The following GALNT18 variants were observed in gnomAD, a reference collection of about 807,000 sequenced individuals.
GALNT18 encodes the protein GalNAc-transferase 18.
Under a neutral mutation model 69.5 loss-of-function variants are expected in GALNT18, and 44 were observed. That is an observed-to-expected ratio of 0.63 (90% CI 0.50 to 0.81). GALNT18 has a LOEUF of 0.81. GALNT18 is among the 40% of genes least tolerant of loss of function. GALNT18 has a pLI of 0.00. For synonymous variants in GALNT18, 364 were observed against 318.2 expected, an observed-to-expected ratio of 1.14 and a Z score of -1.53; for missense variants, 715 against 810.0, an observed-to-expected ratio of 0.88 and a Z score of 1.42.
At chr11:11,329,454 C>T (rs1849981918) in intron 8 of GALNT18, among the ~76,000 whole-genome samples, 1 of 152,180 alleles carries the variant, frequency 6.6e-6, no homozygotes, top group South Asian at 2.1e-4. Flanking sequence ...TAGTGCTATT[C>T]AGCCTGTGTG....
chr11:11,562,025 G>A lies in GALNT18; in HGVS notation c.235+59334C>T, dbSNP rs370177345. ...GCAGGGCTCTAGCCAGGCCTTCCGA[G>A]CACTCCATAAACCACACTCCTAACC... On this transcript the variant is annotated intron_variant, in intron 1 of 10. Transcript: ENST00000227756. The surrounding 1 kb of genome is among the most constrained non-coding windows in gnomAD (Gnocchi z 4.1). 1.3e-5 allele frequency among the ~76,000 whole-genome samples: 2 copies of A among 152,348 alleles called. No individual in the cohort carries two copies. Among genetic ancestry groups the A allele is most frequent in the East Asian group, 3.9e-4 (2 of 5,184 alleles).
In GALNT18 at chr11:11,501,657, G is replaced by T. The variant is rs913625298; in HGVS notation, c.236-52721C>A. 3.3e-5 allele frequency among the ~76,000 whole-genome samples: 5 copies of T among 152,256 alleles called. No homozygotes were observed. In the South Asian group the frequency reaches 1.0e-3, roughly 32 times the overall value. On this transcript the variant is annotated intron_variant, in intron 1 of 10. Coordinates refer to ENST00000227756, the MANE Select transcript of GALNT18 (RefSeq NM_198516.3). The stretch of plus-strand genomic sequence containing the variant: ...GTTTCTACCTTGCCTGAGTTTGTGA[G>T]AAAATGCAAGGGAAAGTGCCTTGAC...
At chr11:11,429,289 C>A (rs1030059837) in intron 3 of GALNT18, among the ~76,000 whole-genome samples, 110 of 152,182 alleles carry the variant, frequency 7.2e-4, no homozygotes, top group African/African-American at 2.5e-3. Flanking sequence ...CCGAGCATTC[C>A]TCCTCTCTCA....
intron 1 of GALNT18, among the ~76,000 whole-genome samples, chr11:11,484,592 T>C (rs1432704666): frequency 1.2e-4 from 4 of 32,172 alleles, no homozygotes; most frequent in Non-Finnish European, 2.6e-4. Context: ...AAACTCCATC[T>C]CAAAAAAAAA....
intron 9 of GALNT18, among the ~76,000 whole-genome samples, chr11:11,296,186 A>C (rs1251917798): frequency 6.6e-6 from 1 of 152,202 alleles, no homozygotes; most frequent in South Asian, 2.1e-4. Flanking sequence ...GCCATGCCGC[A>C]TTAGGGAAAC....
intron 1 of GALNT18, among the ~76,000 whole-genome samples, chr11:11,568,787 G>A (rs1444633198): frequency 6.6e-6 from 1 of 152,162 alleles, no homozygotes; most frequent in African/African-American, 2.4e-5. Flanking sequence ...TGTCTAAACT[G>A]ATCAGTGGTT....
chr11:11,593,005 T>C (rs1179261372), intron 1 of GALNT18, among the ~76,000 whole-genome samples: 2 of 152,156 alleles, frequency 1.3e-5, no homozygotes, highest in Admixed American at 6.5e-5. Context: ...AAGCTGCGCC[T>C]CTCGGGTTCA....
In GALNT18 at chr11:11,614,336, G is replaced by T. The variant is rs1859991516; in HGVS notation, c.235+7023C>A. On this transcript the variant is annotated intron_variant, in intron 1 of 10. Coordinates refer to ENST00000227756, the MANE Select transcript of GALNT18 (RefSeq NM_198516.3). This position sits in a 1 kb window ranked among gnomAD's most constrained non-coding sequence, Gnocchi z 5.6. The stretch of plus-strand genomic sequence containing the variant: ...AGTGAGAGAGGGGTGAGAGAGAGAG[G>T]CAAGAGAGTGAGGAGAAGAAGAAGA... 1.3e-5 allele frequency among the ~76,000 whole-genome samples: 2 copies of T among 149,350 alleles called. No homozygotes were observed. Among genetic ancestry groups the T allele is most frequent in the South Asian group, 4.3e-4 (2 of 4,616 alleles).
chr11:11,336,813 C>T (rs1244098746), intron 7 of GALNT18, among the ~76,000 whole-genome samples: 2 of 152,220 alleles, frequency 1.3e-5, no homozygotes, highest in Non-Finnish European at 2.9e-5. Flanking sequence ...ATATGTCACA[C>T]TCTCGGCCTG....
intron 10 of GALNT18, among the ~76,000 whole-genome samples, chr11:11,280,275 A>AG (rs757970849): frequency 4.6e-5 from 7 of 152,144 alleles, no homozygotes; most frequent in African/African-American, 1.4e-4. Flanking sequence ...GGCCTCTGAA[A>AG]GGGGCCCTTG....
intron 3 of GALNT18, among the ~76,000 whole-genome samples, chr11:11,385,974 G>C (rs774909115): frequency 1.8e-4 from 28 of 152,130 alleles, no homozygotes; most frequent in Non-Finnish European, 3.2e-4. Flanking sequence ...GCAGAGACTG[G>C]AGTGATGTAT....
chr11:11,506,044 C>T (rs1167870843), intron 1 of GALNT18, among the ~76,000 whole-genome samples: 2 of 152,102 alleles, frequency 1.3e-5, no homozygotes, highest in Non-Finnish European at 2.9e-5. Flanking sequence ...CTTGTAATGC[C>T]CAGAACCATC....
rs77952438 is a variant in GALNT18 at position 11,323,807 on chromosome 11, T to G, written c.1512+3279A>C. The stretch of plus-strand genomic sequence containing the variant: ...TCTACAGGTGTAATTTCATCTGTAT[T>G]CCTGGCTTCTGTTGAAATGACTGGC... On this transcript the variant is annotated intron_variant, in intron 9 of 10. Coordinates refer to ENST00000227756, the MANE Select transcript of GALNT18 (RefSeq NM_198516.3). Among the ~76,000 whole-genome samples the G allele has an allele frequency of 5.3e-3, 807 of 152,326 alleles. 7 individuals carry two copies. The highest frequency in any genetic ancestry group is 0.018 in the African/African-American group (741 of 41,562).
chr11:11,352,047 A>C (rs907064424), intron 6 of GALNT18: 2 of 1,613,652 alleles, frequency 1.2e-6, no homozygotes, highest in African/African-American at 2.7e-5. Flanking sequence ...AGGAGTTGGC[A>C]CTGAAGAAAT....
intron 9 of GALNT18, among the ~76,000 whole-genome samples, chr11:11,308,347 C>T (rs886342086): frequency 1.3e-5 from 2 of 152,140 alleles, no homozygotes; most frequent in African/African-American, 4.8e-5. Flanking sequence ...AAATATGTCC[C>T]TACATGAGAT....
chr11:11,342,713 C>G (rs1280249033), intron 6 of GALNT18, among the ~76,000 whole-genome samples: 1 of 152,184 alleles, frequency 6.6e-6, no homozygotes, highest in Admixed American at 6.5e-5. Context: ...AGGAAGGCAG[C>G]AAAACATGGT....
In GALNT18 at chr11:11,400,369, C is replaced by T. The variant is rs114073645; in HGVS notation, c.596-21105G>A. Among the ~76,000 whole-genome samples the T allele has an allele frequency of 3.7e-3, 562 of 152,258 alleles. 3 individuals are homozygous for T. The highest frequency in any genetic ancestry group is 0.012 in the African/African-American group (517 of 41,532). Reference sequence around the variant, plus strand: ...TTGTTACATGGCAATAGATAGTTAACGCAATGATCATTAGACAAAGTGTTC... The same window carrying T: ...TTGTTACATGGCAATAGATAGTTAATGCAATGATCATTAGACAAAGTGTTC... On this transcript the variant is annotated intron_variant, in intron 3 of 10. Coordinates refer to ENST00000227756, the MANE Select transcript of GALNT18 (RefSeq NM_198516.3).
rs374870394 is a variant in GALNT18, at chr11:11,448,811, C to T, written c.361G>A (p.Gly121Ser). Residue 121 changes from glycine (G) to serine (S), a missense_variant, in exon 2 of 11, where the codon GGC becomes AGC. Transcript: ENST00000227756. ...CGGTCGCTGAGGTAGGCGTTGTAGCCGTAGTACTGGAATTGCTTCAGGGCC... is the reference window on the plus strand; with the variant it reads ...CGGTCGCTGAGGTAGGCGTTGTAGCTGTAGTACTGGAATTGCTTCAGGGCC... ...RVALKQFQYY[G>S]YNAYLSDRLP... is the part of the protein sequence containing the mutation. 1.3e-5 allele frequency: 21 copies of T among 1,613,316 alleles called. No homozygotes were observed. The highest frequency in any genetic ancestry group is 5.3e-5 in the African/African-American group (4 of 74,944).
rs973332637 is a variant in GALNT18, at chr11:11,621,901, G to A, written c.-308C>T. On this transcript the variant is annotated 5_prime_UTR_variant, in exon 1 of 11. It adds an upstream start codon to the 5' untranslated region. Transcript: ENST00000227756. The surrounding 1 kb of genome is among the most constrained non-coding windows in gnomAD (Gnocchi z 9.3). ...GGCAGCCGCGCGTCCAGATGTGTACGTCTGGGAAACTTTGCCACTGCCTGT... is the reference window on the plus strand; with the variant it reads ...GGCAGCCGCGCGTCCAGATGTGTACATCTGGGAAACTTTGCCACTGCCTGT... 8 of 243,046 alleles carry A rather than the reference G, an allele frequency of 3.3e-5. No individual in the cohort carries two copies. The highest frequency in any genetic ancestry group is 6.3e-5 in the Non-Finnish European group (8 of 127,050). The allele number at this position is 243,046 out of a possible 1,614,324, so 15.1% of individuals were successfully genotyped here. A position where few individuals can be genotyped will look rare whatever the true frequency, so the allele number is the denominator to read the frequency against.
Sources: gnomAD v4.1 joint callset for allele counts (sites outside exome capture counted in the v4.1 genomes callset) on GRCh38, gnomAD v4.1.1 for gene constraint, Gnocchi (gnomAD v3.1) non-coding constraint, MANE v1.5 for transcripts, NCBI Gene and HGNC (gene_info 2026-07-23, HGNC 2026-07-21) for gene names.